The following CA10 variants were observed in gnomAD, a reference collection of about 807,000 sequenced individuals.
CA10 encodes the protein carbonic anhydrase 10 (inactive).
Under a neutral mutation model 44.2 loss-of-function variants are expected in CA10, and 14 were observed. That is an observed-to-expected ratio of 0.32 (90% CI 0.21 to 0.50). CA10 has a LOEUF of 0.50. Among genes scored for constraint, CA10 ranks in the 20% least tolerant of loss-of-function variants. The pLI is 0.99. For missense variants in CA10, 350 were observed against 409.7 expected, an observed-to-expected ratio of 0.85 and a Z score of 1.26; for synonymous variants, 159 against 141.6, an observed-to-expected ratio of 1.12 and a Z score of -0.87.
chr17:52,018,646 C>T (rs1888915633), intron 2 of CA10, among the ~76,000 whole-genome samples: 1 of 151,950 alleles, frequency 6.6e-6, no homozygotes, highest in South Asian at 2.1e-4. Context: ...AGAAGCTTGC[C>T]TTGAGTGTCA....
intron 2 of CA10, among the ~76,000 whole-genome samples, chr17:51,995,329 G>A (rs1985194582): frequency 6.6e-6 from 1 of 151,920 alleles, no homozygotes; most frequent in Non-Finnish European, 1.5e-5. Context: ...TTGCTTTTAT[G>A]TTGTGCTTCA....
chr17:51,953,870 A>C (rs1416936894), intron 2 of CA10, among the ~76,000 whole-genome samples: 3 of 152,188 alleles, frequency 2.0e-5, no homozygotes, highest in African/African-American at 7.2e-5. Flanking sequence ...GCAAGGTTTC[A>C]AAACTGAATT....
intron 1 of CA10, among the ~76,000 whole-genome samples, chr17:52,131,513 A>G (rs1989239143): frequency 6.6e-6 from 1 of 152,214 alleles, no homozygotes; most frequent in Non-Finnish European, 1.5e-5. Flanking sequence ...CATGTTTTCC[A>G]TGTGACTAAC....
intron 2 of CA10, among the ~76,000 whole-genome samples, chr17:52,065,205 T>C (rs1245344045): frequency 6.6e-6 from 1 of 152,246 alleles, no homozygotes; most frequent in Non-Finnish European, 1.5e-5. Flanking sequence ...GCTTAGCTTC[T>C]CCTAGATTAC....
At chr17:51,995,385 C>T (rs1985197187) in intron 2 of CA10, among the ~76,000 whole-genome samples, 1 of 151,976 alleles carries the variant, frequency 6.6e-6, no homozygotes, top group African/African-American at 2.4e-5. Flanking sequence ...ATGCTTGAAA[C>T]ACAAATGCTG....
At chr17:51,809,290 C>T (rs1490461051) in intron 3 of CA10, among the ~76,000 whole-genome samples, 1 of 152,144 alleles carries the variant, frequency 6.6e-6, no homozygotes, top group Non-Finnish European at 1.5e-5. Context: ...TTCTAAACAC[C>T]TATTATGTGT....
chr17:52,114,816 C>G (rs924349679), intron 1 of CA10, among the ~76,000 whole-genome samples: 1 of 152,142 alleles, frequency 6.6e-6, no homozygotes, highest in Non-Finnish European at 1.5e-5. Context: ...CCTATCAGGT[C>G]CTGGCTCCAG....
At chr17:51,872,477 C>T (rs767547256) in intron 3 of CA10, among the ~76,000 whole-genome samples, 8 of 152,258 alleles carry the variant, frequency 5.3e-5, no homozygotes, top group Middle Eastern at 3.4e-3. Flanking sequence ...GACAAACCTA[C>T]GGTGTTCTTC....
At chr17:52,053,968 G>T (rs1219744578) in intron 2 of CA10, among the ~76,000 whole-genome samples, 1 of 152,040 alleles carries the variant, frequency 6.6e-6, no homozygotes, top group Non-Finnish European at 1.5e-5. Flanking sequence ...TGTCACCTCA[G>T]GACCCTGTGA....
intron 2 of CA10, among the ~76,000 whole-genome samples, chr17:52,027,976 G>T (rs899540560): frequency 2.5e-4 from 38 of 152,102 alleles, no homozygotes; most frequent in Admixed American, 2.0e-4. Context: ...ACTGCTTTTG[G>T]CTGAGGTGAG....
intron 6 of CA10, among the ~76,000 whole-genome samples, chr17:51,648,636 A>G (rs569535815): frequency 9.8e-5 from 15 of 152,308 alleles, no homozygotes; most frequent in African/African-American, 3.6e-4. Context: ...TCTTTTCTGC[A>G]TAATGAGTCT....
chr17:51,694,127 C>T (rs1244281267), intron 4 of CA10, among the ~76,000 whole-genome samples: 1 of 151,884 alleles, frequency 6.6e-6, no homozygotes, highest in Admixed American at 6.6e-5. Context: ...TCGCTTGAAC[C>T]CGGGAGGCAG....
At chr17:51,985,386 A>T (rs761346572) in intron 2 of CA10, among the ~76,000 whole-genome samples, 12 of 152,206 alleles carry the variant, frequency 7.9e-5, no homozygotes, top group Admixed American at 1.3e-4. Context: ...CATCCATGAC[A>T]AACCCACAGC....
At chr17:52,073,612 A>G (rs1393424205) in intron 1 of CA10, among the ~76,000 whole-genome samples, 2 of 152,312 alleles carry the variant, frequency 1.3e-5, no homozygotes, top group South Asian at 2.1e-4. Context: ...GGAAAAAATA[A>G]CACCTTTAAA....
At chr17:51,841,574 G>T (rs931847122) in intron 3 of CA10, among the ~76,000 whole-genome samples, 5 of 152,190 alleles carry the variant, frequency 3.3e-5, no homozygotes, top group Non-Finnish European at 7.3e-5. Context: ...GGTTTCAAGA[G>T]AAATTGGACT....
intron 4 of CA10, among the ~76,000 whole-genome samples, chr17:51,666,879 C>T (rs1914227928): frequency 6.6e-6 from 1 of 152,302 alleles, no homozygotes; most frequent in South Asian, 2.1e-4. Context: ...TAAAAGATGA[C>T]TAATGAGCAC....
At chr17:51,734,486 A>T (rs1321350335) in intron 4 of CA10, among the ~76,000 whole-genome samples, 1 of 152,204 alleles carries the variant, frequency 6.6e-6, no homozygotes, top group Non-Finnish European at 1.5e-5. Flanking sequence ...ATAATATTAC[A>T]GTTATACCAG....
At chr17:52,042,582 G>A (rs976396772) in intron 2 of CA10, among the ~76,000 whole-genome samples, 1 of 150,628 alleles carries the variant, frequency 6.6e-6, no homozygotes, top group Non-Finnish European at 1.5e-5. Flanking sequence ...TTTCTTTGTT[G>A]TTCAGAAGAT....
chr17:51,931,672 T>G (rs1296865314), intron 2 of CA10, among the ~76,000 whole-genome samples: 1 of 152,292 alleles, frequency 6.6e-6, no homozygotes, highest in East Asian at 1.9e-4. Flanking sequence ...GCTTAGCAAC[T>G]TGACTTCATC....
Sources: gnomAD v4.1 joint callset for allele counts (sites outside exome capture counted in the v4.1 genomes callset) on GRCh38, gnomAD v4.1.1 for gene constraint, MANE v1.5 for transcripts, NCBI Gene and HGNC (gene_info 2026-07-23, HGNC 2026-07-21) for gene names.